The following ZCCHC7 variants were observed in gnomAD, a reference collection of about 807,000 sequenced individuals.
ZCCHC7 encodes the protein zinc finger CCHC-type containing 7, also known as zinc finger CCHC domain-containing protein 7.
In ZCCHC7, 35 loss-of-function variants were observed where a neutral mutation model predicts 52.0. The ratio of observed to expected loss-of-function variants is 0.67; its 90% confidence interval spans 0.51 to 0.89. The LOEUF is 0.89. ZCCHC7 is among the 40% of genes least tolerant of loss of function. ZCCHC7 has a pLI of 0.00. For synonymous variants in ZCCHC7, 217 were observed against 221.5 expected, an observed-to-expected ratio of 0.98 and a Z score of 0.18; for missense variants, 574 against 649.1, an observed-to-expected ratio of 0.88 and a Z score of 1.26.
At chr9:37,302,409 T>C (rs1304494051) in intron 3 of ZCCHC7, among the ~76,000 whole-genome samples, 178 bp downstream of exon 3, 1 of 152,222 alleles carries the variant, frequency 6.6e-6, no homozygotes, top group Non-Finnish European at 1.5e-5. Flanking sequence ...GTCAGTGAGT[T>C]AATAGCTGTA....
intron 5 of ZCCHC7, among the ~76,000 whole-genome samples, chr9:37,314,565 A>G (rs1412369506): frequency 6.6e-6 from 1 of 152,088 alleles, no homozygotes; most frequent in Non-Finnish European, 1.5e-5. Flanking sequence ...CCTCATTAAC[A>G]ACTCTAAGGC....
intron 2 of ZCCHC7, among the ~76,000 whole-genome samples, chr9:37,185,372 A>G (rs984983201): frequency 2.6e-5 from 4 of 152,250 alleles, no homozygotes; most frequent in Non-Finnish European, 5.9e-5. Flanking sequence ...TCAGGTTACA[A>G]TTTAGAGCCT....
intron 8 of ZCCHC7, among the ~76,000 whole-genome samples, chr9:37,355,869 G>A (rs181514345): frequency 6.4e-4 from 97 of 152,250 alleles, no homozygotes; most frequent in African/African-American, 1.8e-3. Flanking sequence ...ATTATGATTA[G>A]GCAACCAAAT....
chr9:37,326,510 C>T (rs1830247246), intron 5 of ZCCHC7, among the ~76,000 whole-genome samples: 1 of 136,536 alleles, frequency 7.3e-6, no homozygotes, highest in African/African-American at 3.6e-5. Flanking sequence ...GCAGTCTACA[C>T]AGCTTTCTAT....
At chr9:37,154,640 C>G (rs912678149) in intron 2 of ZCCHC7, among the ~76,000 whole-genome samples, 3 of 150,758 alleles carry the variant, frequency 2.0e-5, no homozygotes, top group African/African-American at 7.3e-5. Flanking sequence ...CACCACCATG[C>G]CTGGGTGATT....
intron 2 of ZCCHC7, among the ~76,000 whole-genome samples, chr9:37,181,849 T>A (rs1221644532): frequency 6.6e-6 from 1 of 152,202 alleles, no homozygotes; most frequent in Non-Finnish European, 1.5e-5. Flanking sequence ...TTTATTTTTA[T>A]AAATTTTTAA....
At chr9:37,159,834 C>G (rs1365730025) in intron 2 of ZCCHC7, among the ~76,000 whole-genome samples, 1 of 152,170 alleles carries the variant, frequency 6.6e-6, no homozygotes. Flanking sequence ...ATTAGGTTCT[C>G]TGGCAAGTGA....
intron 5 of ZCCHC7, among the ~76,000 whole-genome samples, chr9:37,321,155 A>AT (rs1233853052): frequency 6.6e-6 from 1 of 151,038 alleles, no homozygotes; most frequent in Non-Finnish European, 1.5e-5. Context: ...CACCCGGCTA[A>AT]TTTTTTGTAT....
intron 2 of ZCCHC7, among the ~76,000 whole-genome samples, chr9:37,206,141 G>A (rs1405842958): frequency 6.6e-6 from 1 of 151,882 alleles, no homozygotes; most frequent in Non-Finnish European, 1.5e-5. Context: ...GGTTTTGTGT[G>A]GAAAGCATGT....
In ZCCHC7 at chr9:37,143,503, C is replaced by T. The variant is rs574533391; in HGVS notation, c.610+16561C>T. The stretch of plus-strand genomic sequence containing the variant: ...TGTCTCGGTGTTCTAGTAGATAGTT[C>T]GTAGTTCCTGAAAAATAATATTCTG... On this transcript the variant is annotated intron_variant, in intron 2 of 8. Transcript: ENST00000336755. Among the ~76,000 whole-genome samples, 9 of 149,894 alleles carry T rather than the reference C, an allele frequency of 6.0e-5. No homozygotes were observed. The South Asian group carries it at 6.4e-4, about 11-fold the overall frequency.
chr9:37,313,849 C>A (rs1829699649), intron 5 of ZCCHC7, among the ~76,000 whole-genome samples: 1 of 152,220 alleles, frequency 6.6e-6, no homozygotes, highest in Non-Finnish European at 1.5e-5. Context: ...GAACTTGAGT[C>A]AGTTAAACCT....
At chr9:37,192,621 T>C (rs1403661838) in intron 2 of ZCCHC7, among the ~76,000 whole-genome samples, 3 of 152,228 alleles carry the variant, frequency 2.0e-5, no homozygotes, top group Non-Finnish European at 4.4e-5. Flanking sequence ...TTCTTTTTGC[T>C]GTTAATGTGT....
At chr9:37,148,805 C>A (rs745664610) in intron 2 of ZCCHC7, among the ~76,000 whole-genome samples, 5 of 152,024 alleles carry the variant, frequency 3.3e-5, no homozygotes, top group Non-Finnish European at 7.4e-5. Context: ...AAACTACATT[C>A]TAATTGGTGG....
intron 6 of ZCCHC7, among the ~76,000 whole-genome samples, chr9:37,338,952 G>A (rs1044321084): frequency 7.2e-5 from 11 of 152,020 alleles, no homozygotes; most frequent in Non-Finnish European, 1.5e-4. Context: ...GAGACGTTCC[G>A]GTCTGTTGTG....
chr9:37,164,987 T>A (rs1821340408), intron 2 of ZCCHC7, among the ~76,000 whole-genome samples: 1 of 152,246 alleles, frequency 6.6e-6, no homozygotes, highest in African/African-American at 2.4e-5. Context: ...TATTTAGTAT[T>A]CCAGATCGTG....
intron 2 of ZCCHC7, among the ~76,000 whole-genome samples, chr9:37,190,537 T>C (rs201104651): frequency 2.0e-5 from 3 of 152,236 alleles, no homozygotes; most frequent in Non-Finnish European, 4.4e-5. Context: ...AGCTGCTTTA[T>C]GCATCATCCA....
chr9:37,286,751 A>T (rs545646186), intron 2 of ZCCHC7, among the ~76,000 whole-genome samples: 1 of 151,480 alleles, frequency 6.6e-6, no homozygotes, highest in African/African-American at 2.4e-5. Flanking sequence ...TTTATGTCCT[A>T]TATTCTTTTT....
At chr9:37,170,101 C>T (rs1241290862) in intron 2 of ZCCHC7, among the ~76,000 whole-genome samples, 1 of 151,772 alleles carries the variant, frequency 6.6e-6, no homozygotes, top group African/African-American at 2.4e-5. Flanking sequence ...AAAAGTCTAC[C>T]CTAACCATTT....
chr9:37,179,854 A>G (rs1434671703), intron 2 of ZCCHC7, among the ~76,000 whole-genome samples: 1 of 152,212 alleles, frequency 6.6e-6, no homozygotes, highest in East Asian at 1.9e-4. Flanking sequence ...TGAGTGCCCT[A>G]CAGAAAAACA....
Sources: allele counts gnomAD v4.1 joint callset (sites outside exome capture counted in the v4.1 genomes callset), GRCh38; gene constraint gnomAD v4.1.1; transcripts MANE v1.5; gene names NCBI Gene and HGNC (gene_info 2026-07-23, HGNC 2026-07-21).